LHFPL3: variants seen among roughly 807,000 people sequenced by gnomAD.
LHFPL3 encodes LHFPL tetraspan subfamily member 3 protein.
LHFPL3 carries 5 observed loss-of-function variants against 19.3 expected under a neutral mutation model. The ratio of observed to expected loss-of-function variants is 0.26; its 90% CI spans 0.14 to 0.54. The LOEUF (loss-of-function observed/expected upper bound fraction) is 0.54, where lower values mean the gene tolerates loss of function less well. Among genes scored for constraint, LHFPL3 ranks in the 20% least tolerant of loss-of-function variants. LHFPL3 has a pLI of 0.94. For missense variants in LHFPL3, 249 were observed against 307.4 expected, an observed-to-expected ratio of 0.81 and a Z score of 1.42; for synonymous variants, 133 against 126.2, an observed-to-expected ratio of 1.05 and a Z score of -0.36.
intron 1 of LHFPL3, among the ~76,000 whole-genome samples, chr7:104,581,025 A>C (rs560652107): frequency 2.8e-4 from 43 of 152,060 alleles, no homozygotes; most frequent in Middle Eastern, 3.4e-3. Flanking sequence ...TGTTCCATTT[A>C]CCTATGGTAA....
chr7:104,380,744 CAGAA>C (rs757836613), intron 1 of LHFPL3, among the ~76,000 whole-genome samples: 5 of 152,038 alleles, frequency 3.3e-5, no homozygotes, highest in Non-Finnish European at 7.4e-5. Context: ...GATGCAAAAT[CAGAA>C]AGACATTCTC....
intron 1 of LHFPL3, among the ~76,000 whole-genome samples, chr7:104,449,551 T>A (rs1792392538): frequency 6.6e-6 from 1 of 152,202 alleles, no homozygotes; most frequent in South Asian, 2.1e-4. Context: ...ATTTAGTAAC[T>A]CTGGGAGGAC....
chr7:104,876,425 AT>A lies in LHFPL3; in HGVS notation c.683-29759del, dbSNP rs1174113726. ...CAGAATCTACAATGAACTCCAACAA[AT>A]TTACAAGAAAAAAACAACCCCATCA... On this transcript the variant is annotated intron_variant, in intron 2 of 2. Coordinates refer to ENST00000424859, the MANE Select transcript of LHFPL3 (RefSeq NM_199000.3). 1.3e-5 allele frequency among the ~76,000 whole-genome samples: 2 copies of A among 152,160 alleles called. 1 individual carries two copies. Among genetic ancestry groups the A allele is most frequent in the Non-Finnish European group, 2.9e-5 (2 of 68,034 alleles).
chr7:104,574,932 AC>A (rs1317835597), intron 1 of LHFPL3, among the ~76,000 whole-genome samples: 11 of 152,208 alleles, frequency 7.2e-5, no homozygotes, highest in African/African-American at 2.7e-4. Context: ...TGGAGAAAGG[AC>A]AAAAAAGGGT....
intron 1 of LHFPL3, among the ~76,000 whole-genome samples, chr7:104,527,713 C>T (rs180955093): frequency 6.6e-6 from 1 of 152,290 alleles, no homozygotes; most frequent in East Asian, 1.9e-4. Flanking sequence ...GCCCAGGCTA[C>T]AGACCCAAGA....
intron 1 of LHFPL3, among the ~76,000 whole-genome samples, chr7:104,479,308 C>T (rs769179814): frequency 1.3e-5 from 2 of 152,084 alleles, no homozygotes; most frequent in African/African-American, 4.8e-5. Flanking sequence ...TGAGGGACGC[C>T]ATGGGAGCTG....
intron 1 of LHFPL3, among the ~76,000 whole-genome samples, chr7:104,613,445 G>A (rs539897882): frequency 6.6e-5 from 10 of 152,238 alleles, no homozygotes; most frequent in African/African-American, 2.4e-4. Context: ...ATGCTGCTAT[G>A]AAGAAAAGAC....
At chr7:104,553,052 A>T (rs550410603) in intron 1 of LHFPL3, among the ~76,000 whole-genome samples, 1 of 152,302 alleles carries the variant, frequency 6.6e-6, no homozygotes, top group East Asian at 1.9e-4. Context: ...CTCATTGATA[A>T]CATGTATTAT....
In LHFPL3 at chr7:104,395,657, A is replaced by T. The variant is rs528613632; in HGVS notation, c.445+66433A>T. Among the ~76,000 whole-genome samples the T allele has an allele frequency of 2.0e-5, 3 of 152,264 alleles. No individual in the cohort carries two copies. In the East Asian group the frequency reaches 5.8e-4, roughly 29 times the overall value. ...AAGAAATAAATTGCCTGCCACTGAGATACTGGCTTTCTCATGCATTTTTCT... is the reference window on the plus strand; with the variant it reads ...AAGAAATAAATTGCCTGCCACTGAGTTACTGGCTTTCTCATGCATTTTTCT... On this transcript the variant is annotated intron_variant, in intron 1 of 2. Coordinates refer to ENST00000424859, the MANE Select transcript of LHFPL3 (RefSeq NM_199000.3).
intron 1 of LHFPL3, among the ~76,000 whole-genome samples, chr7:104,509,378 G>A (rs1046799481): frequency 6.6e-6 from 1 of 151,782 alleles, no homozygotes; most frequent in African/African-American, 2.4e-5. Flanking sequence ...TATGTATAAA[G>A]AATTACACAC....
At chr7:104,631,584 T>C (rs999862490) in intron 1 of LHFPL3, among the ~76,000 whole-genome samples, 2 of 152,204 alleles carry the variant, frequency 1.3e-5, no homozygotes, top group Non-Finnish European at 2.9e-5. Context: ...CACAATTTCA[T>C]GTGATTTCTA....
At chr7:104,365,816 T>A (rs1020167449) in intron 1 of LHFPL3, among the ~76,000 whole-genome samples, 1 of 137,666 alleles carries the variant, frequency 7.3e-6, no homozygotes, top group South Asian at 2.3e-4. Flanking sequence ...GAAAAGCCTC[T>A]TTCCAGCTAG....
At chr7:104,490,784 T>C (rs1038392740) in intron 1 of LHFPL3, among the ~76,000 whole-genome samples, 18 of 152,228 alleles carry the variant, frequency 1.2e-4, no homozygotes, top group Non-Finnish European at 2.6e-4. Context: ...CAATGTGTAA[T>C]ATGAAAACTG....
At chr7:104,501,104 A>C (rs1793591426) in intron 1 of LHFPL3, among the ~76,000 whole-genome samples, 1 of 152,052 alleles carries the variant, frequency 6.6e-6, no homozygotes. Flanking sequence ...TCTGGCAAAA[A>C]AAAATGCTCA....
At chr7:104,670,996 G>T (rs1157431122) in intron 1 of LHFPL3, among the ~76,000 whole-genome samples, 4 of 152,066 alleles carry the variant, frequency 2.6e-5, no homozygotes, top group Non-Finnish European at 5.9e-5. Flanking sequence ...GTAGGGATCA[G>T]CTTGGTAGAC....
intron 2 of LHFPL3, chr7:104,845,272 CCG>C: frequency 1.4e-6 from 1 of 714,842 alleles, no homozygotes; most frequent in Non-Finnish European, 2.5e-6. Flanking sequence ...TCTCTGCACA[CCG>C]TCAATGGAAT....
At chr7:104,495,065 A>G (rs1237920703) in intron 1 of LHFPL3, among the ~76,000 whole-genome samples, 3 of 152,168 alleles carry the variant, frequency 2.0e-5, no homozygotes, top group African/African-American at 7.2e-5. Context: ...TTGGTTTCCC[A>G]ATATATCACT....
Position 104,817,944 on chromosome 7 carries a change from C to T in LHFPL3, c.682+81033C>T, listed in dbSNP as rs528186491. Among the ~76,000 whole-genome samples, 8 of 152,332 alleles carry T rather than the reference C, an allele frequency of 5.3e-5. No homozygotes were observed. In the South Asian group the frequency reaches 1.7e-3, roughly 32 times the overall value. On this transcript the variant is annotated intron_variant, in intron 2 of 2. Coordinates refer to ENST00000424859, the MANE Select transcript of LHFPL3 (RefSeq NM_199000.3). ...AGGTTAATTAAAATTAAGTACCATT[C>T]ATTTCCAATGTAGTTGCACTAGCTA... is the stretch of plus-strand genomic sequence containing the variant.
intron 1 of LHFPL3, among the ~76,000 whole-genome samples, chr7:104,647,710 T>A (rs1791956852): frequency 6.6e-6 from 1 of 152,242 alleles, no homozygotes; most frequent in African/African-American, 2.4e-5. Flanking sequence ...GATTTTCTTC[T>A]CCATTTCCTC....
Sources: allele counts gnomAD v4.1 joint callset (sites outside exome capture counted in the v4.1 genomes callset), GRCh38; gene constraint gnomAD v4.1.1; transcripts MANE v1.5; gene names NCBI Gene and HGNC (gene_info 2026-07-23, HGNC 2026-07-21).